SLC28A1: variants seen among roughly 807,000 people sequenced by gnomAD.
SLC28A1 encodes the protein sodium/nucleoside cotransporter 1.
SLC28A1 carries 64 observed loss-of-function variants against 74.8 expected under a neutral mutation model. The observed-to-expected ratio is 0.86, with a 90% CI of 0.70 to 1.05. SLC28A1 has a LOEUF of 1.05. SLC28A1 is among the 50% of genes least tolerant of loss of function. SLC28A1 has a pLI of 0.00. For missense variants in SLC28A1, 828 were observed against 822.8 expected (o/e 1.01, Z -0.08); for synonymous variants, 359 against 335.0 (o/e 1.07, Z -0.78).
At chr15:84,908,365 G>C (rs1345893490) in intron 8 of SLC28A1, among the ~76,000 whole-genome samples, 2 of 151,686 alleles carry the variant, frequency 1.3e-5, no homozygotes, top group Non-Finnish European at 2.9e-5. Flanking sequence ...TGTATTTTTA[G>C]CAGATATGGG....
At position 84,930,578 on chromosome 15, in the gene SLC28A1, A is replaced by T. The variant is rs188379556; in HGVS notation, c.1084-2567A>T. Among the ~76,000 whole-genome samples, 656 of 149,616 alleles carry T rather than the reference A, an allele frequency of 4.4e-3. 4 individuals are homozygous for T. The highest frequency in any genetic ancestry group is 7.1e-3 in the Non-Finnish European group (477 of 67,630). On this transcript the variant is annotated intron_variant, in intron 12 of 18. Transcript: ENST00000394573. Reference sequence around the variant, plus strand: ...CAGCAGCAGGCCTGGCACTTCCCTGAGATGGTAATGAGGGGTGCCCACGAT... The same window carrying T: ...CAGCAGCAGGCCTGGCACTTCCCTGTGATGGTAATGAGGGGTGCCCACGAT...
chr15:84,937,300 C>T (rs1972050983), intron 15 of SLC28A1, among the ~76,000 whole-genome samples: 1 of 152,088 alleles, frequency 6.6e-6, no homozygotes. Context: ...CTCTTCCTTC[C>T]TCTCAGATCA....
At chr15:84,890,741 C>T (rs758079310) in intron 5 of SLC28A1, among the ~76,000 whole-genome samples, 4 of 152,242 alleles carry the variant, frequency 2.6e-5, no homozygotes, top group Non-Finnish European at 5.9e-5. Context: ...GTAAGGGAGG[C>T]GGAAGAAATA....
chr15:84,913,034 A>C (rs1968574154), intron 9 of SLC28A1, among the ~76,000 whole-genome samples: 1 of 152,122 alleles, frequency 6.6e-6, no homozygotes, highest in South Asian at 2.1e-4. Context: ...ATCCAGGCAG[A>C]AATGGGAATG....
rs1337988953 is a variant in SLC28A1, at chr15:84,906,578, C to T, written c.717+926C>T. Among the ~76,000 whole-genome samples the T allele has an allele frequency of 6.3e-3, 63 of 10,038 alleles. No homozygotes were observed. In the Admixed American group the frequency reaches 0.067, roughly 11 times the overall value. 6.6% of individuals were successfully genotyped at this position (10,038 alleles called of 152,430 possible). ...TTTCTTTCTTTCTCTTTCTTTCTTC[C>T]TTCCTTCCTTCCTTCCTTCCTTCCT... On this transcript the variant is annotated intron_variant, in intron 8 of 18. Transcript: ENST00000394573.
chr15:84,942,539 A>G (rs1015107236), intron 15 of SLC28A1, among the ~76,000 whole-genome samples: 1 of 152,216 alleles, frequency 6.6e-6, no homozygotes, highest in Non-Finnish European at 1.5e-5. Flanking sequence ...TGTTTCCCAT[A>G]CATTATATAA....
the SLC28A1 span, among the ~76,000 whole-genome samples, chr15:84,974,185 G>A: frequency 6.6e-6 from 1 of 152,218 alleles, no homozygotes; most frequent in African/African-American, 2.4e-5. Flanking sequence ...GGTAACCAGT[G>A]TGCTGCTTTG....
chr15:84,970,427 G>C, the SLC28A1 span, among the ~76,000 whole-genome samples: 3 of 152,164 alleles, frequency 2.0e-5, no homozygotes, highest in Non-Finnish European at 4.4e-5. Flanking sequence ...TTGACCCTTT[G>C]TGCATGGGAA....
intron 11 of SLC28A1, among the ~76,000 whole-genome samples, chr15:84,921,638 T>G (rs1385997118): frequency 1.3e-5 from 2 of 152,154 alleles, no homozygotes; most frequent in African/African-American, 4.8e-5. Context: ...AATGTTTGAG[T>G]CACCAAGAGA....
chr15:84,915,376 A>G (rs768470998), intron 9 of SLC28A1, among the ~76,000 whole-genome samples: 19 of 152,212 alleles, frequency 1.2e-4, no homozygotes, highest in Non-Finnish European at 2.1e-4. Flanking sequence ...CATTCTCTTC[A>G]GGGTCCATTC....
chr15:84,966,764 AG>A, the SLC28A1 span, among the ~76,000 whole-genome samples: 1 of 152,178 alleles, frequency 6.6e-6, no homozygotes, highest in Non-Finnish European at 1.5e-5. Context: ...CACTATCACG[AG>A]AACAGCACAG....
chr15:84,939,851 G>T (rs1054189733), intron 15 of SLC28A1: 18 of 152,062 alleles, frequency 1.2e-4, no homozygotes, highest in African/African-American at 4.3e-4. Context: ...TGGAGACTGG[G>T]TCTCACTTTG....
At chr15:84,917,928 G>C (rs1969340076) in intron 9 of SLC28A1, among the ~76,000 whole-genome samples, 1 of 152,182 alleles carries the variant, frequency 6.6e-6, no homozygotes, top group Admixed American at 6.5e-5. Context: ...TTGGAGTGAA[G>C]GAAGAGGAGT....
chr15:84,945,251 G>T lies in SLC28A1; in HGVS notation c.*51G>T. The T allele has an allele frequency of 6.5e-7, 1 of 1,550,210 alleles. No homozygotes were observed. The highest frequency in any genetic ancestry group is 1.1e-5 in the South Asian group (1 of 89,620). On this transcript the variant is annotated 3_prime_UTR_variant, in exon 19 of 19. Coordinates refer to ENST00000394573, the MANE Select transcript of SLC28A1 (RefSeq NM_004213.5). ...GCTTCTGAGGGCTGTTCTCCCCCGG[G>T]AACCATCTGTCCCCACCTTCCCTTT...
the SLC28A1 span, among the ~76,000 whole-genome samples, chr15:84,956,450 T>TCCTTCCTTC: frequency 1.2e-5 from 1 of 85,106 alleles, no homozygotes; most frequent in Non-Finnish European, 2.5e-5. Context: ...TTCCTTTCTT[T>TCCTTCCTTC]CTTTCTTTCT....
chr15:84,919,425 A>G (rs956478179), intron 10 of SLC28A1, among the ~76,000 whole-genome samples: 4 of 152,236 alleles, frequency 2.6e-5, no homozygotes, highest in African/African-American at 9.6e-5. Context: ...TGTTGCTATA[A>G]CAGAATATCA....
intron 6 of SLC28A1, among the ~76,000 whole-genome samples, chr15:84,897,688 C>T (rs1275642858): frequency 1.3e-5 from 2 of 152,154 alleles, no homozygotes; most frequent in Non-Finnish European, 2.9e-5. Context: ...CATTATTGTA[C>T]ACTGTAGCCA....
chr15:84,960,045 G>A, the SLC28A1 span, among the ~76,000 whole-genome samples: 1 of 152,082 alleles, frequency 6.6e-6, no homozygotes, highest in African/African-American at 2.4e-5. Flanking sequence ...CTGGGGTCAT[G>A]ATATTTCTCC....
intron 12 of SLC28A1, chr15:84,926,613 A>G (rs1316786035): frequency 4.4e-6 from 2 of 451,468 alleles, no homozygotes; most frequent in African/African-American, 4.0e-5. Context: ...TGCAAAAGCA[A>G]GAAAACTGGA....
Sources: allele counts gnomAD v4.1 joint callset (sites outside exome capture counted in the v4.1 genomes callset), GRCh38; gene constraint gnomAD v4.1.1; transcripts MANE v1.5; gene names NCBI Gene and HGNC (gene_info 2026-07-23, HGNC 2026-07-21).